Variants in TAF2 observed in about 807,000 individuals in gnomAD.
The protein encoded by TAF2 is TATA-box binding protein associated factor 2, also known as transcription initiation factor TFIID subunit 2.
In TAF2, 61 loss-of-function variants were observed where a neutral mutation model predicts 138.5. That is an observed-to-expected ratio of 0.44 (90% CI 0.36 to 0.54). The LOEUF is 0.54. TAF2 is among the 20% of genes least tolerant of loss of function. TAF2 has a pLI of 0.00. For missense variants in TAF2, 1,090 were observed against 1,427.9 expected, an observed-to-expected ratio of 0.76 and a Z score of 3.81; for synonymous variants, 475 against 469.9, an observed-to-expected ratio of 1.01 and a Z score of -0.14.
intron 25 of TAF2, among the ~76,000 whole-genome samples, chr8:119,733,746 A>G (rs539774810): frequency 6.6e-6 from 1 of 151,990 alleles, no homozygotes; most frequent in South Asian, 2.1e-4. Context: ...TGGTTACCAA[A>G]TATTGTTGAT....
intron 3 of TAF2, among the ~76,000 whole-genome samples, chr8:119,806,777 T>G (rs1223282172): frequency 6.6e-5 from 10 of 152,064 alleles, no homozygotes; most frequent in Non-Finnish European, 5.9e-5. Context: ...CTCTGAGCAT[T>G]TTCTTAAATA....
At chr8:119,748,479 C>T (rs1307438798) in intron 22 of TAF2, among the ~76,000 whole-genome samples, 2 of 151,304 alleles carry the variant, frequency 1.3e-5, no homozygotes, top group Admixed American at 1.3e-4. Flanking sequence ...TCTCATCATT[C>T]CTACTTCAGA....
At chr8:119,754,322 T>C (rs1316086136) in intron 22 of TAF2, among the ~76,000 whole-genome samples, 1 of 152,202 alleles carries the variant, frequency 6.6e-6, no homozygotes, top group African/African-American at 2.4e-5. Context: ...TAGCTACTAA[T>C]GAGATAGGCA....
chr8:119,753,182 A>G (rs1471250078), intron 22 of TAF2, among the ~76,000 whole-genome samples: 1 of 152,182 alleles, frequency 6.6e-6, no homozygotes, highest in African/African-American at 2.4e-5. Flanking sequence ...ATTTTTTCCT[A>G]AAGGCCAAAT....
intron 22 of TAF2, among the ~76,000 whole-genome samples, chr8:119,755,277 C>G (rs545470221): frequency 6.6e-6 from 1 of 152,166 alleles, no homozygotes; most frequent in African/African-American, 2.4e-5. Context: ...AAGGCCAAGG[C>G]GGGTGGATCA....
rs538496931 is a variant in TAF2, at chr8:119,781,549, G to A, written c.2113-356C>T. ...AAATAAATTAGCCGGGCATGATGGC[G>A]GGTGCCTGTAATCCCAGCTACTTGG... On this transcript the variant is annotated intron_variant, in intron 16 of 25. Coordinates refer to ENST00000378164, the MANE Select transcript of TAF2 (RefSeq NM_003184.4). 1.2e-4 allele frequency among the ~76,000 whole-genome samples: 19 copies of A among 152,164 alleles called. No individual in the cohort carries two copies. In the East Asian group the frequency reaches 2.5e-3, roughly 20 times the overall value.
Position 119,756,161 on chromosome 8 carries a change from A to G in TAF2, c.2769-46T>C, listed in dbSNP as rs368073323. The G allele has an allele frequency of 2.4e-5, 32 of 1,336,198 alleles. No homozygotes were observed. In the African/African-American group the frequency reaches 3.8e-4, roughly 16 times the overall value. The allele number at this position is 1,336,198 out of a possible 1,614,324, so 82.8% of individuals were successfully genotyped here. A position where few individuals can be genotyped will look rare whatever the true frequency, so the allele number is the denominator to read the frequency against. On this transcript the variant is annotated intron_variant, in intron 21 of 25. Coordinates refer to ENST00000378164, the MANE Select transcript of TAF2 (RefSeq NM_003184.4). The stretch of plus-strand genomic sequence containing the variant: ...AAATTTTTGCTGACCTTTTACTGAC[A>G]GATGCTATGAGTAGGAGACAACATA...
chr8:119,742,967 G>A (rs2130996013), intron 24 of TAF2, among the ~76,000 whole-genome samples: 1 of 152,106 alleles, frequency 6.6e-6, no homozygotes, highest in South Asian at 2.1e-4. Flanking sequence ...TACTTGGGAG[G>A]CTGAGGCAAG....
At chr8:119,780,272 C>A (rs1272099466) in intron 17 of TAF2, among the ~76,000 whole-genome samples, 3 of 152,162 alleles carry the variant, frequency 2.0e-5, no homozygotes, top group Non-Finnish European at 2.9e-5. Flanking sequence ...TCTAAAAATT[C>A]CACTTATAGA....
At chr8:119,757,457 G>A (rs1360004649) in intron 21 of TAF2, among the ~76,000 whole-genome samples, 4 of 152,030 alleles carry the variant, frequency 2.6e-5, no homozygotes, top group African/African-American at 9.7e-5. Flanking sequence ...TTTAAAATGT[G>A]AGTTTGTTCT....
chr8:119,819,238 G>T, intron 3 of TAF2, 108 bp downstream of exon 3: 4 of 1,123,588 alleles, frequency 3.6e-6, no homozygotes, highest in Admixed American at 3.8e-5. Flanking sequence ...GGGATTCAAA[G>T]CCCATTAACG....
chr8:119,800,421 T>C, intron 6 of TAF2, among the ~76,000 whole-genome samples: 1 of 152,194 alleles, frequency 6.6e-6, no homozygotes, highest in Non-Finnish European at 1.5e-5. Context: ...CATTTCTTGT[T>C]TTTATCAGGT....
chr8:119,769,220 A>C (rs984448571), intron 18 of TAF2, among the ~76,000 whole-genome samples: 1 of 152,164 alleles, frequency 6.6e-6, no homozygotes, highest in African/African-American at 2.4e-5. Context: ...CACAAACCCT[A>C]ATAACAGAAA....
At chr8:119,781,987 C>T (rs539124420) in intron 16 of TAF2, among the ~76,000 whole-genome samples, 7 of 151,962 alleles carry the variant, frequency 4.6e-5, no homozygotes, top group East Asian at 1.9e-4. Context: ...TGCACTCGGC[C>T]GAAAAAATTC....
chr8:119,765,384 G>A (rs971366061), intron 18 of TAF2, among the ~76,000 whole-genome samples: 1 of 152,122 alleles, frequency 6.6e-6, no homozygotes, highest in South Asian at 2.1e-4. Context: ...CATCCTATCA[G>A]GAGGATACGC....
At chr8:119,808,135 C>T (rs1254535559) in intron 3 of TAF2, among the ~76,000 whole-genome samples, 1 of 152,062 alleles carries the variant, frequency 6.6e-6, no homozygotes, top group Admixed American at 6.6e-5. Context: ...AAGGTAACAA[C>T]TACAAAGCAC....
At chr8:119,811,912 G>C (rs1372505172) in intron 3 of TAF2, among the ~76,000 whole-genome samples, 1 of 151,134 alleles carries the variant, frequency 6.6e-6, no homozygotes, top group Non-Finnish European at 1.5e-5. Flanking sequence ...CTATGAAAAA[G>C]CCTAGGGGTT....
chr8:119,792,184 C>T (rs1220475527), intron 10 of TAF2, among the ~76,000 whole-genome samples: 3 of 144,288 alleles, frequency 2.1e-5, no homozygotes, highest in East Asian at 2.0e-4. Context: ...GATAGAGTCT[C>T]GCTCTTATCC....
intron 10 of TAF2, among the ~76,000 whole-genome samples, 169 bp downstream of exon 10, chr8:119,793,197 T>G (rs966771340): frequency 2.6e-5 from 4 of 152,208 alleles, no homozygotes; most frequent in Admixed American, 2.0e-4. Flanking sequence ...TTTTACTTAT[T>G]ACTTCCAATC....
Sources: gnomAD v4.1 joint callset for allele counts (sites outside exome capture counted in the v4.1 genomes callset) on GRCh38, gnomAD v4.1.1 for gene constraint, MANE v1.5 for transcripts, NCBI Gene and HGNC (gene_info 2026-07-23, HGNC 2026-07-21) for gene names.